Variants in RNF17 observed in about 807,000 individuals in gnomAD.
RNF17 encodes ring finger protein 17.
Under a neutral mutation model 200.5 loss-of-function variants are expected in RNF17, and 31 were observed. That is an observed-to-expected ratio of 0.15 (90% confidence interval 0.12 to 0.21). The LOEUF is 0.21. Among genes scored for constraint, RNF17 ranks in the 10% least tolerant of loss-of-function variants. RNF17 has a pLI of 1.00. For missense variants in RNF17, 1,628 were observed against 1,905.1 expected (o/e 0.85, Z 2.71); for synonymous variants, 606 against 637.8 (o/e 0.95, Z 0.75).
chr13:24,880,951 A>G (rs1261176638), downstream of RNF17, among the ~76,000 whole-genome samples: 2 of 152,150 alleles, frequency 1.3e-5, no homozygotes, highest in Non-Finnish European at 1.5e-5. Context: ...TTTATTAGCT[A>G]GTGACCATTC....
At chr13:24,831,263 A>G (rs1192333518) in intron 17 of RNF17, among the ~76,000 whole-genome samples, 1 of 152,022 alleles carries the variant, frequency 6.6e-6, no homozygotes, top group East Asian at 1.9e-4. Context: ...ACATGATGAA[A>G]CCCCATCTCT....
downstream of RNF17, chr13:24,883,521 T>G (rs1953926116): frequency 3.2e-6 from 2 of 628,356 alleles, no homozygotes; most frequent in Non-Finnish European, 5.4e-6. Flanking sequence ...TTCTACAGTG[T>G]TTCTGCTTCA....
intron 22 of RNF17, among the ~76,000 whole-genome samples, chr13:24,845,871 G>A (rs761737655): frequency 1.3e-5 from 2 of 152,078 alleles, no homozygotes; most frequent in Non-Finnish European, 2.9e-5. Flanking sequence ...GAAATTGCTG[G>A]GAATAGACTT....
intron 24 of RNF17, among the ~76,000 whole-genome samples, chr13:24,852,329 G>A (rs561434498): frequency 4.6e-5 from 7 of 151,990 alleles, no homozygotes; most frequent in South Asian, 2.1e-4. Flanking sequence ...TAGTAGAGAC[G>A]GGGTTTCACC....
intron 15 of RNF17, among the ~76,000 whole-genome samples, chr13:24,813,303 G>A (rs952975506): frequency 6.6e-6 from 1 of 152,020 alleles, no homozygotes; most frequent in Admixed American, 6.6e-5. Flanking sequence ...AGTACTACAG[G>A]CACATACCAC....
downstream of RNF17, chr13:24,882,541 G>A (rs1315342737): frequency 1.3e-5 from 2 of 152,634 alleles, no homozygotes; most frequent in African/African-American, 2.4e-5. Flanking sequence ...GCTAGTCATC[G>A]TTCATGCCCC....
intron 22 of RNF17, among the ~76,000 whole-genome samples, chr13:24,846,718 A>C (rs1891294855): frequency 6.6e-6 from 1 of 152,214 alleles, no homozygotes; most frequent in Admixed American, 6.5e-5. Context: ...ATTGAAAAAA[A>C]TCTCATAATG....
rs1227100814 is a variant in RNF17 at position 24,778,184 on chromosome 13, CCTGG to C, written c.318-110_318-107del. On this transcript the variant is annotated intron_variant, in intron 3 of 35. Transcript: ENST00000255324. ...GACTGAGGTGGGATGATCGCTGGAGCCTGGGAAGTCGAGGCTGCCATGAGCCATG... is the reference window on the plus strand; with the variant it reads ...GACTGAGGTGGGATGATCGCTGGAGCGAAGTCGAGGCTGCCATGAGCCATG... 3.6e-5 allele frequency: 24 copies of C among 661,288 alleles called. No individual in the cohort carries two copies. In the East Asian group the frequency reaches 6.0e-4, roughly 16 times the overall value. The allele number at this position is 661,288 out of a possible 1,614,324, so 41.0% of individuals were successfully genotyped here.
chr13:24,860,767 G>A (rs1893009743), intron 26 of RNF17, among the ~76,000 whole-genome samples: 1 of 151,820 alleles, frequency 6.6e-6, no homozygotes, highest in Non-Finnish European at 1.5e-5. Flanking sequence ...TGGGTTAAGT[G>A]TAAGAAAACC....
chr13:24,777,640 G>C (rs1419033070), intron 3 of RNF17, among the ~76,000 whole-genome samples: 1 of 151,742 alleles, frequency 6.6e-6, no homozygotes, highest in Non-Finnish European at 1.5e-5. Flanking sequence ...CTTTTTAATA[G>C]CTGGCATTTG....
At chr13:24,827,529 C>T (rs1051530706) in intron 16 of RNF17, among the ~76,000 whole-genome samples, 3 of 151,050 alleles carry the variant, frequency 2.0e-5, no homozygotes, top group Admixed American at 6.6e-5. Flanking sequence ...AGTGAAACCC[C>T]GTCTCTACTA....
chr13:24,868,624 A>G lies in RNF17; in HGVS notation c.4186A>G (p.Thr1396Ala). The part of the protein sequence containing the change: ...FEELLSAETD[T>A]PLLPPYLSSS... The stretch of plus-strand genomic sequence containing the variant: ...GGAATTGCTTTCGGCTGAAACAGAC[A>G]CTCCTCTTTTACCACCATATTTGTC... Residue 1396 changes from threonine to alanine, a missense_variant, in exon 31 of 36, where the codon ACT (threonine) becomes GCT (alanine). Coordinates refer to ENST00000255324, the MANE Select transcript of RNF17 (RefSeq NM_031277.3). The G allele has an allele frequency of 1.2e-6, 2 of 1,606,532 alleles. No homozygotes were observed. Among genetic ancestry groups the G allele is most frequent in the South Asian group, 1.1e-5 (1 of 90,912 alleles).
chr13:24,762,524 C>T (rs1878865383), upstream of RNF17, among the ~76,000 whole-genome samples: 1 of 152,078 alleles, frequency 6.6e-6, no homozygotes, highest in Non-Finnish European at 1.5e-5. Flanking sequence ...TCAGTTCCAT[C>T]ATGGATTAGT....
At chr13:24,778,596 T>C (rs966795217) in intron 4 of RNF17, among the ~76,000 whole-genome samples, 190 bp downstream of exon 4, 1 of 152,238 alleles carries the variant, frequency 6.6e-6, no homozygotes, top group Non-Finnish European at 1.5e-5. Flanking sequence ...GGCAGCCTGT[T>C]CTACCTTTGA....
At chr13:24,778,992 C>T (rs1402442510) in intron 4 of RNF17, among the ~76,000 whole-genome samples, 1 of 152,138 alleles carries the variant, frequency 6.6e-6, no homozygotes, top group Non-Finnish European at 1.5e-5. Flanking sequence ...AATTCAAGAC[C>T]AGCCTGGCCA....
At position 24,825,725 on chromosome 13, in the gene RNF17, G is replaced by C; in HGVS notation, c.2198G>C (p.Cys733Ser). 6.2e-7 allele frequency: 1 copy of C among 1,613,616 alleles called. No homozygotes were observed. The highest frequency in any genetic ancestry group is 8.5e-7 in the Non-Finnish European group (1 of 1,179,744). ...EILCPVQDQA[C>S]VAKFEDGIWY... Reference sequence around the variant, plus strand: ...CTCTGTCCAGTTCAAGATCAAGCCTGTGTAGCTAAATTTGAAGATGGAATT... The same window carrying C: ...CTCTGTCCAGTTCAAGATCAAGCCTCTGTAGCTAAATTTGAAGATGGAATT... Residue 733 changes from cysteine to serine, a missense_variant, in exon 16 of 36, where the codon TGT (cysteine) becomes TCT (serine). Physicochemically the swap from Cys to Ser is moderately radical, Grantham distance 112. Transcript: ENST00000255324.
chr13:24,863,057 C>A (rs1200904907), intron 28 of RNF17, among the ~76,000 whole-genome samples: 1 of 152,098 alleles, frequency 6.6e-6, no homozygotes, highest in Non-Finnish European at 1.5e-5. Context: ...TTACAGGGAG[C>A]AGTATTAAAT....
chr13:24,850,804 A>G (rs1036861267), intron 23 of RNF17, among the ~76,000 whole-genome samples: 1 of 152,180 alleles, frequency 6.6e-6, no homozygotes. Context: ...ATATATTTTG[A>G]TTCTCTAATT....
chr13:24,868,946 G>A (rs1893965543), intron 31 of RNF17, among the ~76,000 whole-genome samples: 1 of 152,138 alleles, frequency 6.6e-6, no homozygotes, highest in Non-Finnish European at 1.5e-5. Context: ...TTTATTCAAT[G>A]TTATGCTTAC....
Sources: allele counts gnomAD v4.1 joint callset (sites outside exome capture counted in the v4.1 genomes callset), GRCh38; gene constraint gnomAD v4.1.1; transcripts MANE v1.5; gene names NCBI Gene and HGNC (gene_info 2026-07-23, HGNC 2026-07-21).